EPM2A: variants seen among roughly 807,000 people sequenced by gnomAD.
EPM2A encodes the protein laforin.
Under a neutral mutation model 26.5 loss-of-function variants are expected in EPM2A, and 21 were observed. The observed-to-expected ratio is 0.79, with a 90% CI of 0.56 to 1.14. The LOEUF is 1.14. Among genes scored for constraint, EPM2A ranks in the 50% most tolerant of loss-of-function variants. The pLI is 0.00. For missense variants in EPM2A, 458 were observed against 440.8 expected, an observed-to-expected ratio of 1.04 and a Z score of -0.35; for synonymous variants, 217 against 177.6, an observed-to-expected ratio of 1.22 and a Z score of -1.76.
intron 4 of EPM2A, among the ~76,000 whole-genome samples, chr6:145,440,101 T>G (rs895993818): frequency 6.6e-6 from 1 of 152,168 alleles, no homozygotes; most frequent in African/African-American, 2.4e-5. Context: ...ATGCTGCTAA[T>G]GAAGACATAC....
intron 2 of EPM2A, among the ~76,000 whole-genome samples, chr6:145,588,985 T>A (rs1265834867): frequency 6.6e-6 from 1 of 152,134 alleles, no homozygotes; most frequent in East Asian, 1.9e-4. Flanking sequence ...GAGAAGCTAC[T>A]ACCCCCAGGC....
intron 2 of EPM2A, among the ~76,000 whole-genome samples, chr6:145,591,281 C>A (rs1239353263): frequency 1.3e-5 from 2 of 152,064 alleles, no homozygotes; most frequent in African/African-American, 4.8e-5. Context: ...ATAAAAAAAA[C>A]TATTGGAAGT....
At chr6:145,427,221 AAACCAATGACTG>A (rs1411921808) in intron 4 of EPM2A, among the ~76,000 whole-genome samples, 3 of 152,344 alleles carry the variant, frequency 2.0e-5, no homozygotes, top group Middle Eastern at 3.4e-3. Flanking sequence ...TGTTTTTACA[AAACCAATGACTG>A]AGAGATATGG....
intron 2 of EPM2A, among the ~76,000 whole-genome samples, chr6:145,550,820 A>G (rs185008045): frequency 8.1e-4 from 123 of 152,200 alleles, no homozygotes; most frequent in African/African-American, 2.9e-3. Context: ...AGAATAAACT[A>G]TATAATACAT....
chr6:145,693,874 T>G (rs1399109941), intron 1 of EPM2A, among the ~76,000 whole-genome samples: 2 of 151,960 alleles, frequency 1.3e-5, no homozygotes, highest in Admixed American at 1.3e-4. Context: ...GTTAGGTGAT[T>G]TCAAACGAAG....
At chr6:145,666,852 T>A (rs1380770224) in intron 2 of EPM2A, among the ~76,000 whole-genome samples, 1 of 149,600 alleles carries the variant, frequency 6.7e-6, no homozygotes, top group African/African-American at 2.6e-5. Context: ...CCCTCAGAAA[T>A]AACACCGCAT....
chr6:145,659,245 G>A (rs1014932675), intron 2 of EPM2A, among the ~76,000 whole-genome samples: 5 of 152,074 alleles, frequency 3.3e-5, no homozygotes, highest in Non-Finnish European at 7.4e-5. Flanking sequence ...GAGGATTCAC[G>A]TAAACTACTG....
Position 145,600,540 on chromosome 6 carries a change from C to A in EPM2A, c.340+34705G>T, listed in dbSNP as rs138334648. Among the ~76,000 whole-genome samples, 383 of 152,296 alleles carry A rather than the reference C, an allele frequency of 2.5e-3. 2 individuals carry two copies. The highest frequency in any genetic ancestry group is 8.3e-3 in the African/African-American group (343 of 41,548). Reference sequence around the variant, plus strand: ...ATCTGCCTGATTTGTAGGTTACTGGCAATGGTAGTTGCTTAGGAGTGTGTA... The same window carrying A: ...ATCTGCCTGATTTGTAGGTTACTGGAAATGGTAGTTGCTTAGGAGTGTGTA... On this transcript the variant is annotated intron_variant, in intron 2 of 3. Coordinates refer to the EPM2A transcript ENST00000450221.
intron 2 of EPM2A, among the ~76,000 whole-genome samples, chr6:145,600,929 T>C (rs1781409176): frequency 6.6e-6 from 1 of 152,202 alleles, no homozygotes; most frequent in Non-Finnish European, 1.5e-5. Context: ...AAGTCTCCAC[T>C]GTCCAGAGGG....
chr6:145,459,526 T>C (rs1441362241), intron 4 of EPM2A, among the ~76,000 whole-genome samples: 1 of 152,186 alleles, frequency 6.6e-6, no homozygotes, highest in East Asian at 1.9e-4. Flanking sequence ...TTTATGACTG[T>C]TTAAAAAGGT....
At chr6:145,621,885 T>C (rs987060159), downstream of EPM2A, among the ~76,000 whole-genome samples, 1 of 152,228 alleles carries the variant, frequency 6.6e-6, no homozygotes, top group Admixed American at 6.5e-5. Flanking sequence ...TTCCATTGTG[T>C]AGGTTGCCTT....
intron 2 of EPM2A, among the ~76,000 whole-genome samples, chr6:145,597,198 C>T (rs906233820): frequency 1.3e-5 from 2 of 152,130 alleles, no homozygotes; most frequent in South Asian, 2.1e-4. Flanking sequence ...CCGGCCTCTC[C>T]GAGATCTTAT....
downstream of EPM2A, among the ~76,000 whole-genome samples, chr6:145,622,055 T>C (rs1775648708): frequency 6.6e-6 from 1 of 152,214 alleles, no homozygotes; most frequent in Non-Finnish European, 1.5e-5. Context: ...TATTTTCTTC[T>C]AGGAGTTCTA....
intron 2 of EPM2A, 102 bp downstream of exon 2, chr6:145,686,020 C>G (rs764403027): frequency 1.8e-5 from 19 of 1,046,830 alleles, no homozygotes; most frequent in Non-Finnish European, 2.6e-5. Context: ...ATAGACCCCT[C>G]CCAAGTGAGG....
intron 4 of EPM2A, among the ~76,000 whole-genome samples, chr6:145,454,946 G>A (rs1297923033): frequency 1.3e-5 from 2 of 150,950 alleles, no homozygotes; most frequent in Admixed American, 1.3e-4. Context: ...AATATGTTTG[G>A]AAATTGTACA....
intron 4 of EPM2A, among the ~76,000 whole-genome samples, chr6:145,392,465 T>C (rs1778351032): frequency 6.6e-6 from 1 of 152,244 alleles, no homozygotes; most frequent in African/African-American, 2.4e-5. Context: ...AGTGTATCCT[T>C]CTCTGCCATC....
downstream of EPM2A, among the ~76,000 whole-genome samples, chr6:145,624,356 C>T (rs1162013621): frequency 6.6e-6 from 1 of 152,204 alleles, no homozygotes; most frequent in Admixed American, 6.5e-5. Flanking sequence ...GGAAAAGACA[C>T]TGGTCTTTGC....
chr6:145,712,696 T>C (rs963033592), intron 1 of EPM2A, among the ~76,000 whole-genome samples: 1 of 152,202 alleles, frequency 6.6e-6, no homozygotes, highest in African/African-American at 2.4e-5. Flanking sequence ...GCCAAAGCTT[T>C]AGCAGAAAAA....
chr6:145,395,920 A>T (rs963598922), intron 4 of EPM2A, among the ~76,000 whole-genome samples: 2 of 152,186 alleles, frequency 1.3e-5, no homozygotes, highest in African/African-American at 4.8e-5. Context: ...TAATCTGCCC[A>T]ACAGGTAGAA....
Sources: allele counts gnomAD v4.1 joint callset (sites outside exome capture counted in the v4.1 genomes callset), GRCh38; gene constraint gnomAD v4.1.1; transcripts MANE v1.5; gene names NCBI Gene and HGNC (gene_info 2026-07-23, HGNC 2026-07-21).